Variants in TGFBR2 observed in about 807,000 individuals in gnomAD.
TGFBR2 encodes transforming growth factor beta receptor 2.
TGFBR2 carries 18 observed loss-of-function variants against 49.0 expected under a neutral mutation model. The ratio of observed to expected loss-of-function variants is 0.37; its 90% CI spans 0.25 to 0.54. The LOEUF (loss-of-function observed/expected upper bound fraction) is 0.54. TGFBR2 is among the 20% of genes least tolerant of loss of function. The pLI, the probability that TGFBR2 is intolerant of heterozygous loss-of-function variation, is 0.85. For synonymous variants in TGFBR2, 282 were observed against 275.9 expected, an observed-to-expected ratio of 1.02 and a Z score of -0.22; for missense variants, 525 against 722.6, an observed-to-expected ratio of 0.73 and a Z score of 3.13.
intron 1 of TGFBR2, among the ~76,000 whole-genome samples, chr3:30,639,431 A>G (rs1279203170): frequency 6.6e-6 from 1 of 152,244 alleles, no homozygotes; most frequent in East Asian, 1.9e-4. Context: ...GGTTTCTGAG[A>G]GAAAAAATAC....
intron 3 of TGFBR2, among the ~76,000 whole-genome samples, chr3:30,664,955 C>T (rs146442957): frequency 2.6e-5 from 4 of 152,312 alleles, no homozygotes; most frequent in South Asian, 2.1e-4. Flanking sequence ...TTCCTCCACT[C>T]GGTAAAGGAG....
chr3:30,665,594 A>T (rs947334077), intron 3 of TGFBR2, among the ~76,000 whole-genome samples: 1 of 152,204 alleles, frequency 6.6e-6, no homozygotes, highest in Non-Finnish European at 1.5e-5. Context: ...CTCCGACAGC[A>T]TCCACAGTTG....
chr3:30,684,447 G>C (rs1699591850), intron 5 of TGFBR2, among the ~76,000 whole-genome samples: 1 of 152,160 alleles, frequency 6.6e-6, no homozygotes, highest in Non-Finnish European at 1.5e-5. Flanking sequence ...CCTAAATCAT[G>C]CACACACTGC....
intron 1 of TGFBR2, among the ~76,000 whole-genome samples, chr3:30,618,209 A>G (rs1033547013): frequency 1.3e-5 from 2 of 148,246 alleles, no homozygotes; most frequent in Admixed American, 6.7e-5. Flanking sequence ...GAACCCAAGG[A>G]CCCATTTCTT....
intron 1 of TGFBR2, among the ~76,000 whole-genome samples, chr3:30,638,464 T>C (rs1253192870): frequency 6.6e-6 from 1 of 152,208 alleles, no homozygotes; most frequent in African/African-American, 2.4e-5. Flanking sequence ...ATCTCTAGTA[T>C]TGACCTTGGT....
At chr3:30,656,618 G>A (rs1012663667) in intron 3 of TGFBR2, among the ~76,000 whole-genome samples, 17 of 152,142 alleles carry the variant, frequency 1.1e-4, no homozygotes, top group African/African-American at 4.1e-4. Context: ...AAAACAAGAT[G>A]GTAAGCCAAG....
At chr3:30,668,764 A>G (rs923189238) in intron 3 of TGFBR2, among the ~76,000 whole-genome samples, 2 of 152,004 alleles carry the variant, frequency 1.3e-5, no homozygotes, top group African/African-American at 2.4e-5. Context: ...TATCTTTCCA[A>G]AAAATGGTGA....
At chr3:30,668,257 G>A (rs1699276494) in intron 3 of TGFBR2, among the ~76,000 whole-genome samples, 1 of 152,158 alleles carries the variant, frequency 6.6e-6, no homozygotes, top group Non-Finnish European at 1.5e-5. Flanking sequence ...ATATCATGAT[G>A]ATCAAAACAG....
chr3:30,646,833 A>C (rs1181319180), intron 2 of TGFBR2, among the ~76,000 whole-genome samples: 1 of 152,138 alleles, frequency 6.6e-6, no homozygotes, highest in African/African-American at 2.4e-5. Context: ...TGTTTTCCTG[A>C]CCAGTAATAC....
intron 1 of TGFBR2, among the ~76,000 whole-genome samples, chr3:30,636,864 AC>A (rs1238481962): frequency 2.0e-5 from 3 of 151,994 alleles, no homozygotes; most frequent in Admixed American, 2.0e-4. Flanking sequence ...GGAGATCGAG[AC>A]CATCCTGGCT....
intron 4 of TGFBR2, among the ~76,000 whole-genome samples, chr3:30,673,605 A>G (rs1699379064): frequency 6.6e-6 from 1 of 152,242 alleles, no homozygotes; most frequent in Middle Eastern, 3.2e-3. Context: ...ATGCAATTGT[A>G]CTATATCCTT....
intron 1 of TGFBR2, among the ~76,000 whole-genome samples, chr3:30,631,855 G>A (rs1031176660): frequency 4.6e-5 from 7 of 151,976 alleles, no homozygotes; most frequent in Non-Finnish European, 8.8e-5. Flanking sequence ...TGAACTCAAA[G>A]CCCCCTCATG....
chr3:30,627,846 C>G (rs1043081867), intron 1 of TGFBR2, among the ~76,000 whole-genome samples: 1 of 152,042 alleles, frequency 6.6e-6, no homozygotes, highest in Non-Finnish European at 1.5e-5. Flanking sequence ...ACAGGTGGCT[C>G]TTGGGTATCA....
intron 1 of TGFBR2, among the ~76,000 whole-genome samples, chr3:30,629,863 T>C (rs2125390436): frequency 6.6e-6 from 1 of 152,286 alleles, no homozygotes; most frequent in Middle Eastern, 3.4e-3. Context: ...ATGGCATCTT[T>C]GATAATGTGA....
At chr3:30,667,552 G>A (rs929260701) in intron 3 of TGFBR2, among the ~76,000 whole-genome samples, 4 of 152,176 alleles carry the variant, frequency 2.6e-5, no homozygotes, top group Admixed American at 2.6e-4. Context: ...GGAAATTTTA[G>A]GAGAAAGTAA....
intron 3 of TGFBR2, among the ~76,000 whole-genome samples, chr3:30,667,504 TC>T (rs1257934247): frequency 6.6e-6 from 1 of 152,192 alleles, no homozygotes; most frequent in Non-Finnish European, 1.5e-5. Context: ...TTCCTCCCCC[TC>T]AAATTTTTTA....
At chr3:30,607,850 A>AATATATATATAATTATATATATAAAT (rs200717281) in intron 1 of TGFBR2, among the ~76,000 whole-genome samples, 16 of 137,022 alleles carry the variant, frequency 1.2e-4, no homozygotes, top group South Asian at 1.1e-3. Context: ...TATATATATA[A>AATATATATATAATTATATATATAAAT]ATATATATAA....
chr3:30,626,031 C>G (rs1473643334), intron 1 of TGFBR2, among the ~76,000 whole-genome samples: 1 of 152,160 alleles, frequency 6.6e-6, no homozygotes, highest in African/African-American at 2.4e-5. Context: ...AAGCCTGAGC[C>G]AAGCACCTAG....
chr3:30,640,519 C>T (rs113286690), intron 1 of TGFBR2, among the ~76,000 whole-genome samples: 10 of 152,214 alleles, frequency 6.6e-5, no homozygotes, highest in African/African-American at 2.2e-4. Context: ...CTCCCATATC[C>T]TTTAAATCAT....
Sources: allele counts gnomAD v4.1 joint callset (sites outside exome capture counted in the v4.1 genomes callset), GRCh38; gene constraint gnomAD v4.1.1; transcripts MANE v1.5; gene names NCBI Gene and HGNC (gene_info 2026-07-23, HGNC 2026-07-21).